Variants in OSBPL3 observed in about 807,000 individuals in gnomAD.
OSBPL3 encodes the protein oxysterol binding protein like 3, also known as oxysterol-binding protein-related protein 3.
Under a neutral mutation model 120.1 loss-of-function variants are expected in OSBPL3, and 65 were observed. That is an observed-to-expected ratio of 0.54 (90% CI 0.44 to 0.67). The LOEUF (loss-of-function observed/expected upper bound fraction) is 0.67, where lower values mean the gene tolerates loss of function less well. Ranked by LOEUF, OSBPL3 falls within the 30% of genes least tolerant of loss-of-function variation. The pLI, the probability that OSBPL3 is intolerant of heterozygous loss-of-function variation, is 0.00. For missense variants in OSBPL3, 1,004 were observed against 1,082.1 expected (o/e 0.93, Z 1.01); for synonymous variants, 416 against 402.6 (o/e 1.03, Z -0.40).
At chr7:24,840,854 C>G (rs1028891763) in intron 13 of OSBPL3, 71 bp from the exon 14 acceptor site, 3 of 698,636 alleles carry the variant, frequency 4.3e-6, no homozygotes, top group Non-Finnish European at 7.3e-6. Context: ...AAAACCCTTA[C>G]TCTAAATGAT....
rs753506727 is a variant in OSBPL3 at position 24,834,329 on chromosome 7, C to G, written c.1746+157G>C. Reference sequence around the variant, plus strand: ...CACAAGGTGACTGGAAACAGCCAGGCGGAGGAAGCCAGACAGCTCTGAGTA... The same window carrying G: ...CACAAGGTGACTGGAAACAGCCAGGGGGAGGAAGCCAGACAGCTCTGAGTA... On this transcript the variant is annotated intron_variant, in intron 15 of 22. Transcript: ENST00000313367. The surrounding 1 kb of genome is among the most constrained non-coding windows in gnomAD (Gnocchi z 5.2). 1.4e-6 allele frequency: 2 copies of G among 1,469,404 alleles called. No individual in the cohort carries two copies. The highest frequency in any genetic ancestry group is 2.5e-5 in the Admixed American group (1 of 39,870). The allele number at this position is 1,469,404 out of a possible 1,614,324, so 91.0% of individuals were successfully genotyped here. A position where few individuals can be genotyped will look rare whatever the true frequency, so the allele number is the denominator to read the frequency against.
At chr7:24,974,109 C>T (rs765915460) in intron 1 of OSBPL3, among the ~76,000 whole-genome samples, 3 of 152,304 alleles carry the variant, frequency 2.0e-5, no homozygotes, top group Non-Finnish European at 2.9e-5. Context: ...TGTTATCCTA[C>T]GGCGCTTCTC....
chr7:24,954,956 C>T (rs893517776), intron 1 of OSBPL3, among the ~76,000 whole-genome samples: 4 of 152,098 alleles, frequency 2.6e-5, no homozygotes, highest in African/African-American at 4.8e-5. Context: ...GGTGAGCAAA[C>T]AGGGCAGGCA....
intron 5 of OSBPL3, 80 bp from the exon 6 acceptor site, chr7:24,866,317 T>C: frequency 9.5e-7 from 1 of 1,050,660 alleles, no homozygotes; most frequent in Admixed American, 1.9e-5. Context: ...TTGAGGCCAC[T>C]CTCAAAATCC....
intron 2 of OSBPL3, among the ~76,000 whole-genome samples, chr7:24,890,020 G>A (rs1236055819): frequency 1.3e-5 from 2 of 152,170 alleles, no homozygotes; most frequent in African/African-American, 4.8e-5. Context: ...ATCCCTAGAT[G>A]GGTCAGGGTG....
At position 24,980,178 on chromosome 7, in the gene OSBPL3, C is replaced by A. The variant is rs1278614757; in HGVS notation, c.-442G>T. ...TCTGAGTACTTTGCCCAGAACTTCT[C>A]GGCGCGCGCCGCCCGGCGATTAGCC... is the stretch of plus-strand genomic sequence containing the variant. On this transcript the variant is annotated 5_prime_UTR_variant, in exon 1 of 23. Coordinates refer to ENST00000313367, the MANE Select transcript of OSBPL3 (RefSeq NM_015550.4). The A allele has an allele frequency of 2.5e-5, 10 of 395,778 alleles. No individual in the cohort carries two copies. The highest frequency in any genetic ancestry group is 3.4e-5 in the Non-Finnish European group (10 of 291,258). The allele number at this position is 395,778 out of a possible 1,614,324, so 24.5% of individuals were successfully genotyped here.
rs1218496556 is a variant in OSBPL3, at chr7:24,938,798, TGTGTGTG to T, written c.-150+41081_-150+41087del. Among the ~76,000 whole-genome samples the T allele has an allele frequency of 1.3e-5, 2 of 149,736 alleles. No individual in the cohort carries two copies. Among genetic ancestry groups the T allele is most frequent in the Non-Finnish European group, 3.0e-5 (2 of 67,204 alleles). On this transcript the variant is annotated intron_variant, in intron 1 of 22. Coordinates refer to ENST00000313367, the MANE Select transcript of OSBPL3 (RefSeq NM_015550.4). This position sits in a 1 kb window ranked among gnomAD's most constrained non-coding sequence, Gnocchi z 5.8. ...GTTTTGATGTGTGTGTGTGTGTGTG[TGTGTGTG>T]TGTGTGTGTGTGTGTGTGTGTGTGT...
At chr7:24,969,632 TTA>T (rs1049224221) in intron 1 of OSBPL3, among the ~76,000 whole-genome samples, 2 of 152,204 alleles carry the variant, frequency 1.3e-5, no homozygotes, top group Non-Finnish European at 2.9e-5. Context: ...TTGCCTGATT[TTA>T]CCAACACCAT....
rs965747091 is a variant in OSBPL3, at chr7:24,965,381, T to C, written c.-150+14505A>G. 2.0e-5 allele frequency among the ~76,000 whole-genome samples: 3 copies of C among 152,226 alleles called. No individual in the cohort carries two copies. Among genetic ancestry groups the C allele is most frequent in the African/African-American group, 7.2e-5 (3 of 41,462 alleles). On this transcript the variant is annotated intron_variant, in intron 1 of 22. Coordinates refer to ENST00000313367, the MANE Select transcript of OSBPL3 (RefSeq NM_015550.4). This position sits in a 1 kb window ranked among gnomAD's most constrained non-coding sequence, Gnocchi z 4.3. ...CGTCCAACAAGGTTAATAAATCCCC[T>C]GCCTACCTCACAGGGTTATTTTGTT...
At position 24,819,539 on chromosome 7, in the gene OSBPL3, C is replaced by T. The variant is rs893684279; in HGVS notation, c.1948+636G>A. On this transcript the variant is annotated intron_variant, in intron 17 of 22. Coordinates refer to ENST00000313367, the MANE Select transcript of OSBPL3 (RefSeq NM_015550.4). This position sits in a 1 kb window ranked among gnomAD's most constrained non-coding sequence, Gnocchi z 4.1. ...CGTACTTTTAAAGTTTAATAGACTG[C>T]GTGTGTGTGTGTGCCTGTGTGTGTA... is the stretch of plus-strand genomic sequence containing the variant. 1.1e-4 allele frequency among the ~76,000 whole-genome samples: 16 copies of T among 151,610 alleles called. No homozygotes were observed. The highest frequency in any genetic ancestry group is 2.1e-4 in the Non-Finnish European group (14 of 67,906).
At chr7:24,975,105 C>A (rs1817437013) in intron 1 of OSBPL3, among the ~76,000 whole-genome samples, 1 of 152,078 alleles carries the variant, frequency 6.6e-6, no homozygotes, top group South Asian at 2.1e-4. Context: ...TTCATTGATC[C>A]ATAAAATATT....
intron 1 of OSBPL3, among the ~76,000 whole-genome samples, chr7:24,905,530 C>G (rs1054684806): frequency 1.3e-5 from 2 of 152,158 alleles, no homozygotes; most frequent in East Asian, 3.8e-4. Context: ...ATTACCAACC[C>G]TGGCTGCAAA....
intron 1 of OSBPL3, among the ~76,000 whole-genome samples, chr7:24,904,386 A>G (rs1807540376): frequency 1.3e-5 from 2 of 152,364 alleles, no homozygotes; most frequent in South Asian, 4.1e-4. Context: ...GATTTAGCCA[A>G]CCACAGAGCA....
At position 24,800,292 on chromosome 7, in the gene OSBPL3, A is replaced by C. The variant is rs750497019; in HGVS notation, c.2568-13T>G. ...ATCGTCGGATTTCCTGTGAAAGAAG[A>C]AACAATTTCTTGCAGACTCTTGAAA... On this transcript the variant is annotated splice_polypyrimidine_tract_variant and intron_variant, in intron 22 of 22. Coordinates refer to ENST00000313367, the MANE Select transcript of OSBPL3 (RefSeq NM_015550.4). The C allele has an allele frequency of 1.3e-6, 2 of 1,537,394 alleles. No individual in the cohort carries two copies. The highest frequency in any genetic ancestry group is 1.7e-5 in the Admixed American group (1 of 59,832).
At position 24,863,710 on chromosome 7, in the gene OSBPL3, T is replaced by C. The variant is rs957085043; in HGVS notation, c.674-111A>G. ...ATTTATCTGTAGTTGATTTTTTTTT[T>C]CATCTGTAAGGGTTGGAAATTTTAC... On this transcript the variant is annotated intron_variant, in intron 7 of 22. Coordinates refer to ENST00000313367, the MANE Select transcript of OSBPL3 (RefSeq NM_015550.4). The surrounding 1 kb of genome is among the most constrained non-coding windows in gnomAD (Gnocchi z 5.8). The C allele has an allele frequency of 2.8e-6, 2 of 712,634 alleles. No homozygotes were observed. Among genetic ancestry groups the C allele is most frequent in the Admixed American group, 2.6e-5 (1 of 39,042 alleles). 44.1% of individuals were successfully genotyped at this position (712,634 alleles called of 1,614,324 possible).
chr7:24,872,098 T>C lies in OSBPL3; in HGVS notation c.97-29A>G. 1 of 1,426,052 alleles carries C rather than the reference T, an allele frequency of 7.0e-7. No individual in the cohort carries two copies. Among genetic ancestry groups the C allele is most frequent in the Non-Finnish European group, 9.9e-7 (1 of 1,010,092 alleles). 88.3% of individuals were successfully genotyped at this position (1,426,052 alleles called of 1,614,324 possible). ...TTCCAACAAAAGAGTTCATGTTAAA[T>C]GTCTATCTTTTTGAAAAATAATAAT... On this transcript the variant is annotated intron_variant, in intron 2 of 22. Transcript: ENST00000313367. The surrounding 1 kb of genome is among the most constrained non-coding windows in gnomAD (Gnocchi z 4.1).
intron 1 of OSBPL3, among the ~76,000 whole-genome samples, chr7:24,901,364 AGAG>A (rs1562904949): frequency 6.8e-6 from 1 of 146,204 alleles, no homozygotes; most frequent in Non-Finnish European, 1.5e-5. Flanking sequence ...AAAAAAAAAA[AGAG>A]AGAGAGAGTT....
chr7:24,812,350 T>G (rs1482433563), intron 19 of OSBPL3, among the ~76,000 whole-genome samples: 2 of 150,224 alleles, frequency 1.3e-5, no homozygotes, highest in African/African-American at 4.9e-5. Context: ...AAGAAAAGGT[T>G]CAGTTTCTAT....
At chr7:24,866,841 G>A (rs972970730) in intron 5 of OSBPL3, among the ~76,000 whole-genome samples, 3 of 152,110 alleles carry the variant, frequency 2.0e-5, no homozygotes, top group Non-Finnish European at 4.4e-5. Context: ...TTGCCTTGTT[G>A]CCCAGGCTGC....
Sources: gnomAD v4.1 joint callset for allele counts (sites outside exome capture counted in the v4.1 genomes callset) on GRCh38, gnomAD v4.1.1 for gene constraint, Gnocchi (gnomAD v3.1) non-coding constraint, MANE v1.5 for transcripts, NCBI Gene and HGNC (gene_info 2026-07-23, HGNC 2026-07-21) for gene names.